The following ADAM19 variants were observed in gnomAD, a reference collection of about 807,000 sequenced individuals.
The protein encoded by ADAM19 is disintegrin and metalloproteinase domain-containing protein 19.
A neutral mutation model predicts 114.7 loss-of-function variants in ADAM19; 65 were observed. That is an observed-to-expected ratio of 0.57 (90% CI 0.46 to 0.70). The LOEUF (loss-of-function observed/expected upper bound fraction) is 0.70. ADAM19 is among the 30% of genes least tolerant of loss of function. The pLI is 0.00. For missense variants in ADAM19, 1,063 were observed against 1,204.7 expected (o/e 0.88, Z 1.74); for synonymous variants, 466 against 460.5 (o/e 1.01, Z -0.15).
At chr5:157,568,373 T>C (rs1757727350) in intron 2 of ADAM19, 1 of 152,230 alleles carries the variant, frequency 6.6e-6, no homozygotes, top group African/African-American at 2.4e-5. Flanking sequence ...ATGTTCCCTT[T>C]TTCTATGGGG....
At chr5:157,522,512 G>A (rs553775994) in intron 5 of ADAM19, among the ~76,000 whole-genome samples, 8 of 152,316 alleles carry the variant, frequency 5.3e-5, no homozygotes, top group Non-Finnish European at 1.0e-4. Context: ...GAGGCTGGGC[G>A]CTGTGGCTCA....
At chr5:157,561,978 T>C (rs1757520984) in intron 3 of ADAM19, among the ~76,000 whole-genome samples, 2 of 151,048 alleles carry the variant, frequency 1.3e-5, no homozygotes, top group Non-Finnish European at 2.9e-5. Context: ...AACCAGAGGC[T>C]GAGAAATGGC....
At position 157,545,604 on chromosome 5, in the gene ADAM19, C is replaced by T. The variant is rs75684927; in HGVS notation, c.252-7613G>A. On this transcript the variant is annotated intron_variant, in intron 3 of 22. Coordinates refer to ENST00000257527, the MANE Select transcript of ADAM19 (RefSeq NM_033274.5). ...AGTTACAGAGTCTACCGCAATGAAA[C>T]ATTATTTATATACCACCCTCTCTGC... Among the ~76,000 whole-genome samples, 1,421 of 152,216 alleles carry T rather than the reference C, an allele frequency of 9.3e-3. 25 individuals carry two copies. Among genetic ancestry groups the T allele is most frequent in the African/African-American group, 0.033 (1,362 of 41,522 alleles).
intron 5 of ADAM19, among the ~76,000 whole-genome samples, chr5:157,526,447 G>C (rs1397760501): frequency 6.6e-6 from 1 of 152,000 alleles, no homozygotes; most frequent in Non-Finnish European, 1.5e-5. Flanking sequence ...TACACTTCCT[G>C]CTGATAGACA....
chr5:157,486,510 C>T (rs1435490112), intron 21 of ADAM19, among the ~76,000 whole-genome samples: 1 of 152,104 alleles, frequency 6.6e-6, no homozygotes, highest in Non-Finnish European at 1.5e-5. Context: ...AGGGTATGCA[C>T]AGCCTCCACC....
intron 5 of ADAM19, among the ~76,000 whole-genome samples, chr5:157,529,540 G>C (rs1419159046): frequency 6.6e-6 from 1 of 152,142 alleles, no homozygotes; most frequent in East Asian, 1.9e-4. Context: ...GTAAAATGCA[G>C]ATTAAAATCC....
Position 157,564,419 on chromosome 5 carries a change from C to A in ADAM19, c.205G>T (p.Val69Leu). 1.2e-6 allele frequency: 2 copies of A among 1,614,218 alleles called. No individual in the cohort carries two copies. The highest frequency in any genetic ancestry group is 1.7e-6 in the Non-Finnish European group (2 of 1,180,034). The change falls in exon 3 of 23, where the codon GTA becomes TTA. Residue 69 changes from valine to leucine, a missense_variant. Physicochemically the swap from Val to Leu is conservative, Grantham distance 32. This residue lies in a region of ADAM19 where 615 missense variants were observed against 706.3 expected (regional missense o/e 0.87). Transcript: ENST00000257527. ...EKHPLKAELR[V>L]MAEGRELILD... ...ATCAGTTCTCGCCCCTCAGCCATTA[C>A]CCTGAGCTCAGCTTTGAGTGGATGC...
In ADAM19 at chr5:157,513,459, A is replaced by G; in HGVS notation, c.713T>C (p.Ile238Thr). The change falls in exon 8 of 23, where the codon ATA becomes ACA. Residue 238 changes from isoleucine to threonine, a missense_variant. Physicochemically the swap from Ile to Thr is moderately conservative, Grantham distance 89. Transcript: ENST00000257527. ...CTTATCAACATAGTTGGCGATCTCT[A>G]TGAGCTTGTGTTTGGTGGCGTCCTG... ...RDQDATKHKL[I>T]EIANYVDKFY... 1.2e-6 allele frequency: 2 copies of G among 1,613,942 alleles called. No individual in the cohort carries two copies. The highest frequency in any genetic ancestry group is 1.7e-6 in the Non-Finnish European group (2 of 1,179,870).
At chr5:157,546,638 G>A (rs1757055590) in intron 3 of ADAM19, among the ~76,000 whole-genome samples, 1 of 152,192 alleles carries the variant, frequency 6.6e-6, no homozygotes, top group African/African-American at 2.4e-5. Flanking sequence ...CAGAAGGGGG[G>A]CCTTGGAAAA....
chr5:157,526,549 A>C (rs1208676773), intron 5 of ADAM19, among the ~76,000 whole-genome samples: 2 of 152,136 alleles, frequency 1.3e-5, no homozygotes, highest in Non-Finnish European at 2.9e-5. Context: ...AGAATGTCTT[A>C]ATCTGAGACA....
intron 11 of ADAM19, among the ~76,000 whole-genome samples, chr5:157,505,286 C>G (rs1410210926): frequency 6.6e-6 from 1 of 151,944 alleles, no homozygotes; most frequent in African/African-American, 2.4e-5. Context: ...TTCAGTGAAG[C>G]CTGGAATTGA....
chr5:157,510,325 T>A (rs1296670070), intron 8 of ADAM19, among the ~76,000 whole-genome samples: 2 of 152,064 alleles, frequency 1.3e-5, no homozygotes, highest in African/African-American at 4.8e-5. Context: ...AAATACAAAA[T>A]TAGCTGGGCG....
At chr5:157,574,691 G>GC (rs1223369203) in intron 1 of ADAM19, among the ~76,000 whole-genome samples, 13 of 152,142 alleles carry the variant, frequency 8.5e-5, no homozygotes, top group Admixed American at 6.5e-4. Flanking sequence ...CCCGGGCACC[G>GC]CCCCCCGGGA....
Position 157,505,720 on chromosome 5 carries a change from C to T in ADAM19, c.1079G>A (p.Cys360Tyr), listed in dbSNP as rs1257322688. ...NFGMTHDSAD[C>Y]CSASAADGGC... ...ACCATCAGCCGCACTGGCCGAGCAG[C>T]AATCTGCAGAATCATGGGTCATGCC... is the stretch of plus-strand genomic sequence containing the variant. Residue 360 changes from cysteine (C) to tyrosine (Y), a missense_variant, in exon 11 of 23, where the codon TGC (cysteine) becomes TAC (tyrosine). Around this residue, in one of 3 missense-constraint regions of ADAM19, gnomAD observed 615 missense variants for 706.3 expected, o/e 0.87. Coordinates refer to ENST00000257527, the MANE Select transcript of ADAM19 (RefSeq NM_033274.5). 1 of 1,614,140 alleles carries T rather than the reference C, an allele frequency of 6.2e-7. No individual in the cohort carries two copies. The highest frequency in any genetic ancestry group is 8.5e-7 in the Non-Finnish European group (1 of 1,180,002).
chr5:157,485,399 G>A (rs776313139), intron 21 of ADAM19, among the ~76,000 whole-genome samples: 1 of 152,170 alleles, frequency 6.6e-6, no homozygotes, highest in Non-Finnish European at 1.5e-5. Flanking sequence ...TCCCCATGCA[G>A]GTCAAACAGT....
chr5:157,552,677 C>CA (rs778402112), intron 3 of ADAM19, among the ~76,000 whole-genome samples: 2,095 of 56,402 alleles, frequency 0.037, 8 homozygotes, highest in Non-Finnish European at 0.048. Context: ...GGACTCTACT[C>CA]AAAAAAAAAA....
intron 3 of ADAM19, among the ~76,000 whole-genome samples, chr5:157,546,017 C>T (rs557979217): frequency 6.6e-6 from 1 of 152,358 alleles, no homozygotes; most frequent in African/African-American, 2.4e-5. Context: ...CCTCCACAAA[C>T]ATGTATGGAG....
At chr5:157,492,603 T>C (rs1480790312) in intron 16 of ADAM19, among the ~76,000 whole-genome samples, 1 of 152,240 alleles carries the variant, frequency 6.6e-6, no homozygotes, top group East Asian at 1.9e-4. Context: ...CCAGGTGCTA[T>C]GCTAAATGCT....
In ADAM19 at chr5:157,479,245, C is replaced by T; in HGVS notation, c.*1704G>A. ...CCAGGCTTTTCCCCCAGGGGTACAT[C>T]CCGTATTTTCCACTTATTTCCAAAC... is the stretch of plus-strand genomic sequence containing the variant. On this transcript the variant is annotated 3_prime_UTR_variant, in exon 23 of 23. Transcript: ENST00000257527. 2 of 985,852 alleles carry T rather than the reference C, an allele frequency of 2.0e-6. No homozygotes were observed. The highest frequency in any genetic ancestry group is 2.4e-6 in the Non-Finnish European group (2 of 829,942). 61.1% of individuals were successfully genotyped at this position (985,852 alleles called of 1,614,324 possible).
Sources: allele counts gnomAD v4.1 joint callset (sites outside exome capture counted in the v4.1 genomes callset), GRCh38; gene constraint gnomAD v4.1.1; regional missense constraint gnomAD v4.1.1; transcripts MANE v1.5; gene names NCBI Gene and HGNC (gene_info 2026-07-23, HGNC 2026-07-21).